Variants in ANO3 observed in about 807,000 individuals in gnomAD.
ANO3 encodes anoctamin 3.
Under a neutral mutation model 144.8 loss-of-function variants are expected in ANO3, and 99 were observed. That is an observed-to-expected ratio of 0.68 (90% CI 0.58 to 0.81). The LOEUF is 0.81. ANO3 is among the 30% of genes least tolerant of loss of function. ANO3 has a pLI of 0.00. For missense variants in ANO3, 905 were observed against 1,202.2 expected (o/e 0.75, Z 3.66); for synonymous variants, 414 against 392.6 (o/e 1.05, Z -0.64).
chr11:26,283,971 AG>A (rs755475062), intron 1 of ANO3, among the ~76,000 whole-genome samples: 1 of 152,216 alleles, frequency 6.6e-6, no homozygotes, highest in Non-Finnish European at 1.5e-5. Flanking sequence ...AAAAGCAGTT[AG>A]GAGTCCTGAG....
At chr11:26,296,500 T>C (rs1396214726) in intron 1 of ANO3, among the ~76,000 whole-genome samples, 1 of 152,212 alleles carries the variant, frequency 6.6e-6, no homozygotes, top group Non-Finnish European at 1.5e-5. Context: ...GGTAGTGTCC[T>C]ACTGGTTACT....
At chr11:26,637,276 G>A (rs1290442675) in intron 20 of ANO3, among the ~76,000 whole-genome samples, 2 of 152,260 alleles carry the variant, frequency 1.3e-5, no homozygotes, top group Non-Finnish European at 2.9e-5. Flanking sequence ...TTTGTGGGTA[G>A]CGAACCAATC....
chr11:26,547,172 A>C (rs2134216939), intron 11 of ANO3, among the ~76,000 whole-genome samples: 1 of 152,022 alleles, frequency 6.6e-6, no homozygotes, highest in South Asian at 2.1e-4. Flanking sequence ...CATGTTAAGA[A>C]GTATGGCATA....
intron 14 of ANO3, among the ~76,000 whole-genome samples, chr11:26,593,078 A>T (rs1329157636): frequency 6.6e-6 from 1 of 151,894 alleles, no homozygotes; most frequent in Non-Finnish European, 1.5e-5. Context: ...TGGAAGTGTA[A>T]GACTGCCACC....
At chr11:26,278,591 A>T (rs1245951467) in intron 1 of ANO3, among the ~76,000 whole-genome samples, 1 of 152,112 alleles carries the variant, frequency 6.6e-6, no homozygotes, top group Non-Finnish European at 1.5e-5. Flanking sequence ...GAGATGGCAC[A>T]AATCATGACC....
At chr11:26,656,305 C>A in intron 25 of ANO3, 71 bp from the exon 26 acceptor site, 3 of 1,488,810 alleles carry the variant, frequency 2.0e-6, no homozygotes, top group Non-Finnish European at 2.8e-6. Flanking sequence ...GGCATTTTGG[C>A]AAATCAAGAA....
intron 1 of ANO3, among the ~76,000 whole-genome samples, chr11:26,201,589 A>G (rs905590681): frequency 1.3e-5 from 2 of 152,052 alleles, no homozygotes; most frequent in African/African-American, 2.4e-5. Flanking sequence ...ATCAAAAGCT[A>G]AGTGACTCAT....
chr11:26,435,606 G>A (rs1377912974), intron 1 of ANO3, among the ~76,000 whole-genome samples: 1 of 152,012 alleles, frequency 6.6e-6, no homozygotes, highest in African/African-American at 2.4e-5. Context: ...TTTATTCTTT[G>A]TTCTTTACTT....
Position 26,220,338 on chromosome 11 carries a change from G to T in ANO3, c.154+31008G>T, listed in dbSNP as rs544655397. ...TGATCAGGCATGCCTGGGGCAGCAAGCTAGCCCAGGATCCCAGTGACCCAC... is the reference window on the plus strand; with the variant it reads ...TGATCAGGCATGCCTGGGGCAGCAATCTAGCCCAGGATCCCAGTGACCCAC... On this transcript the variant is annotated intron_variant, in intron 1 of 27. Coordinates refer to the ANO3 transcript ENST00000672621. Among the ~76,000 whole-genome samples the T allele has an allele frequency of 2.6e-5, 4 of 152,320 alleles. No individual in the cohort carries two copies. In the South Asian group the frequency reaches 8.3e-4, roughly 32 times the overall value.
intron 12 of ANO3, among the ~76,000 whole-genome samples, chr11:26,551,337 A>G (rs937823919): frequency 3.3e-5 from 5 of 150,870 alleles, no homozygotes. Context: ...TGGATTGTCA[A>G]GCACTGCAAA....
At chr11:26,370,932 C>T (rs1264947589) in intron 1 of ANO3, among the ~76,000 whole-genome samples, 2 of 152,092 alleles carry the variant, frequency 1.3e-5, no homozygotes, top group African/African-American at 4.8e-5. Flanking sequence ...CCTAATGATG[C>T]AATAGAAAAG....
intron 26 of ANO3, among the ~76,000 whole-genome samples, chr11:26,656,727 C>G (rs1853701747): frequency 6.6e-6 from 1 of 152,082 alleles, no homozygotes; most frequent in Admixed American, 6.5e-5. Context: ...CACAGTTGAG[C>G]TGAAAACTTT....
intron 14 of ANO3, chr11:26,563,393 C>CTGTGTGTG (rs764671965): frequency 0.014 from 11,645 of 823,446 alleles, 298 homozygotes; most frequent in South Asian, 0.018. Context: ...GTGTTTCTCT[C>CTGTGTGTG]TCTGTGTGTG....
chr11:26,446,595 A>G (rs1858710223), intron 3 of ANO3, among the ~76,000 whole-genome samples: 1 of 152,224 alleles, frequency 6.6e-6, no homozygotes. Context: ...ATGGGTACAT[A>G]TCATGAAAAA....
At chr11:26,509,998 G>C (rs560243194) in intron 5 of ANO3, among the ~76,000 whole-genome samples, 2 of 151,976 alleles carry the variant, frequency 1.3e-5, no homozygotes, top group East Asian at 3.9e-4. Flanking sequence ...GCTGGTCGTG[G>C]TGGCGCGTTC....
At chr11:26,269,444 G>C (rs1250046808) in intron 1 of ANO3, among the ~76,000 whole-genome samples, 2 of 152,142 alleles carry the variant, frequency 1.3e-5, no homozygotes, top group African/African-American at 2.4e-5. Context: ...TCAGCAGTGA[G>C]GTAACGCCCA....
At chr11:26,316,961 T>C (rs1400180526) in intron 1 of ANO3, among the ~76,000 whole-genome samples, 9 of 152,198 alleles carry the variant, frequency 5.9e-5, no homozygotes, top group African/African-American at 1.9e-4. Flanking sequence ...TTTTATTCCA[T>C]AGCAATAGTT....
At chr11:26,552,995 A>G (rs1214723268) in intron 12 of ANO3, among the ~76,000 whole-genome samples, 3 of 930 alleles carry the variant, frequency 3.2e-3, no homozygotes, top group African/African-American at 9.1e-3. Context: ...AAGTTTCACC[A>G]TTTATCACAC....
At chr11:26,360,401 T>G (rs1564981906) in intron 1 of ANO3, among the ~76,000 whole-genome samples, 1 of 152,092 alleles carries the variant, frequency 6.6e-6, no homozygotes, top group African/African-American at 2.4e-5. Context: ...TTTTTAAAAA[T>G]TCCCTTGCTA....
Sources: allele counts gnomAD v4.1 joint callset (sites outside exome capture counted in the v4.1 genomes callset), GRCh38; gene constraint gnomAD v4.1.1; transcripts MANE v1.5; gene names NCBI Gene and HGNC (gene_info 2026-07-23, HGNC 2026-07-21).